Variants in ROBO1 observed in about 807,000 individuals in gnomAD.
The protein encoded by ROBO1 is roundabout homolog 1.
ROBO1 carries 149 observed loss-of-function variants against 195.9 expected under a neutral mutation model. The ratio of observed to expected loss-of-function variants is 0.76; its 90% CI spans 0.67 to 0.87. The LOEUF is 0.87. Ranked by LOEUF, ROBO1 falls within the 40% of genes least tolerant of loss-of-function variation. The pLI is 0.00. For synonymous variants in ROBO1, 816 were observed against 733.2 expected, an observed-to-expected ratio of 1.11 and a Z score of -1.82; for missense variants, 1,933 against 2,068.3, an observed-to-expected ratio of 0.93 and a Z score of 1.27.
In ROBO1 at chr3:78,741,690, C is replaced by T. The variant is rs112557250; in HGVS notation, c.657+5053G>A. Among the ~76,000 whole-genome samples the T allele has an allele frequency of 1.2e-3, 178 of 152,144 alleles. 1 individual carries two copies. The highest frequency in any genetic ancestry group is 3.8e-3 in the African/African-American group (158 of 41,526). On this transcript the variant is annotated intron_variant, in intron 5 of 30. Transcript: ENST00000464233. ...CATCCAAAAGAACACTTTAGTCCTC[C>T]GATTCATCTGTATAAGAAAATTTCA...
chr3:79,020,241 C>A (rs1337687296), intron 3 of ROBO1, among the ~76,000 whole-genome samples: 1 of 152,184 alleles, frequency 6.6e-6, no homozygotes, highest in Non-Finnish European at 1.5e-5. Flanking sequence ...TCCCAACCTG[C>A]CAGTTATAGC....
At position 79,705,834 on chromosome 3, in the gene ROBO1, C is replaced by T. The variant is rs1185329176; in HGVS notation, c.-51+61918G>A. Among the ~76,000 whole-genome samples, 3 of 152,096 alleles carry T rather than the reference C, an allele frequency of 2.0e-5. No individual in the cohort carries two copies. In the East Asian group the frequency reaches 5.8e-4, roughly 29 times the overall value. ...ACATGGAATGTCATTTCATTTATTT[C>T]TTTGTTTTCTATCACAGAGTTTTGT... On this transcript the variant is annotated intron_variant, in intron 1 of 30. Coordinates refer to ENST00000464233, the MANE Select transcript of ROBO1 (RefSeq NM_002941.4).
rs569045999 is a variant in ROBO1, at chr3:79,559,313, C to A, written c.88+30511G>T. ...TTTTTTGCTCAAGTAAACTCTGTTA[C>A]ATCTAATCTGTCTAAAGTTTTTCTT... On this transcript the variant is annotated intron_variant, in intron 2 of 30. Coordinates refer to ENST00000464233, the MANE Select transcript of ROBO1 (RefSeq NM_002941.4). Among the ~76,000 whole-genome samples the A allele has an allele frequency of 2.1e-3, 320 of 152,304 alleles. 1 individual carries two copies. The highest frequency in any genetic ancestry group is 7.1e-3 in the African/African-American group (294 of 41,576).
intron 4 of ROBO1, among the ~76,000 whole-genome samples, chr3:78,831,090 T>G (rs915970984): frequency 6.6e-6 from 1 of 151,974 alleles, no homozygotes; most frequent in Non-Finnish European, 1.5e-5. Flanking sequence ...TTTTTCTATT[T>G]TTAGTAGAGA....
intron 22 of ROBO1, among the ~76,000 whole-genome samples, chr3:78,638,852 T>G (rs879507430): frequency 6.7e-6 from 1 of 149,306 alleles, no homozygotes; most frequent in Admixed American, 6.7e-5. Flanking sequence ...CCAGCCTAGG[T>G]GAAGAGCGAG....
chr3:78,824,024 A>C (rs1156270350), intron 4 of ROBO1, among the ~76,000 whole-genome samples: 1 of 152,188 alleles, frequency 6.6e-6, no homozygotes, highest in East Asian at 1.9e-4. Context: ...GACAGGTATG[A>C]CTTGCTGCAT....
chr3:79,547,157 C>T (rs1942298764), intron 2 of ROBO1, among the ~76,000 whole-genome samples: 1 of 125,992 alleles, frequency 7.9e-6, no homozygotes, highest in Non-Finnish European at 1.6e-5. Context: ...TGCACTCCAG[C>T]CTGGCAGACA....
At position 79,672,160 on chromosome 3, in the gene ROBO1, GAA is replaced by G. The variant is rs556824220; in HGVS notation, c.-50-82201_-50-82200del. On this transcript the variant is annotated intron_variant, in intron 1 of 30. Transcript: ENST00000464233. ...ATTTGCTCTTGTATTTTCATTCAGA[GAA>G]GCTGGCAACACCACAATAATGCACA... 2.5e-4 allele frequency among the ~76,000 whole-genome samples: 38 copies of G among 152,096 alleles called. No individual in the cohort carries two copies. The South Asian group carries it at 2.9e-3, about 12-fold the overall frequency.
At chr3:79,575,749 A>G (rs1233601989) in intron 2 of ROBO1, among the ~76,000 whole-genome samples, 4 of 151,412 alleles carry the variant, frequency 2.6e-5, no homozygotes, top group Non-Finnish European at 4.4e-5. Flanking sequence ...TTTTTGTGAC[A>G]TATTTAAGTG....
intron 26 of ROBO1, among the ~76,000 whole-genome samples, chr3:78,622,256 T>A (rs1159978407): frequency 6.6e-6 from 1 of 152,162 alleles, no homozygotes; most frequent in Non-Finnish European, 1.5e-5. Context: ...ATAATGCAGG[T>A]CTTTAATGTT....
Position 78,617,786 on chromosome 3 carries a change from G to T in ROBO1, c.4131C>A (p.Ala1377=). ...TGSMINGWGS[A]SEEDNISSGR... ...CGCTGGAAATGTTGTCCTCCTCTGA[G>T]GCTGAGCCCCAGCCGTTGATCATGG... Residue 1377 remains alanine (A), a synonymous_variant, in exon 27 of 31, where the codon GCC becomes GCA. Coordinates refer to ENST00000464233, the MANE Select transcript of ROBO1 (RefSeq NM_002941.4). The T allele has an allele frequency of 6.2e-7, 1 of 1,613,932 alleles. No individual in the cohort carries two copies. Among genetic ancestry groups the T allele is most frequent in the Non-Finnish European group, 8.5e-7 (1 of 1,179,854 alleles).
intron 2 of ROBO1, among the ~76,000 whole-genome samples, chr3:79,464,919 A>G (rs1473467676): frequency 6.6e-6 from 1 of 152,118 alleles, no homozygotes; most frequent in African/African-American, 2.4e-5. Context: ...TCACATAGCA[A>G]AGTCTTTGGG....
chr3:78,947,191 A>T (rs1365969118), intron 3 of ROBO1, among the ~76,000 whole-genome samples: 1 of 152,010 alleles, frequency 6.6e-6, no homozygotes, highest in Non-Finnish European at 1.5e-5. Flanking sequence ...CATCTACAGA[A>T]CTCTCCACCC....
chr3:79,395,077 A>G (rs982747178), intron 2 of ROBO1, among the ~76,000 whole-genome samples: 2 of 152,142 alleles, frequency 1.3e-5, no homozygotes, highest in Admixed American at 1.3e-4. Context: ...TAATCCCAGC[A>G]CTTTGGGAGG....
intron 18 of ROBO1, among the ~76,000 whole-genome samples, chr3:78,654,156 G>A (rs1706850768): frequency 1.3e-5 from 2 of 152,038 alleles, no homozygotes; most frequent in Admixed American, 1.3e-4. Flanking sequence ...ATTGCATCTT[G>A]ATAAGAAAAC....
At chr3:79,585,995 A>G (rs1191820392) in intron 2 of ROBO1, among the ~76,000 whole-genome samples, 3 of 151,944 alleles carry the variant, frequency 2.0e-5, no homozygotes, top group African/African-American at 7.2e-5. Flanking sequence ...TGGATCATAA[A>G]CTTTGTAAGA....
At chr3:79,138,285 A>T (rs1559686968) in intron 2 of ROBO1, among the ~76,000 whole-genome samples, 2 of 152,044 alleles carry the variant, frequency 1.3e-5, no homozygotes, top group Non-Finnish European at 2.9e-5. Flanking sequence ...CAGAGTACAC[A>T]ATCAATACTT....
intron 1 of ROBO1, among the ~76,000 whole-genome samples, chr3:79,650,120 TAG>T (rs1037952529): frequency 2.0e-5 from 3 of 151,254 alleles, no homozygotes; most frequent in Non-Finnish European, 3.0e-5. Context: ...AAAGAAAAAA[TAG>T]AGAGGATATA....
At chr3:79,286,441 T>C (rs184394307) in intron 2 of ROBO1, among the ~76,000 whole-genome samples, 81 of 152,252 alleles carry the variant, frequency 5.3e-4, no homozygotes, top group African/African-American at 1.9e-3. Context: ...CATACTCAAT[T>C]TGACAAAAAG....
Sources: gnomAD v4.1 joint callset for allele counts (sites outside exome capture counted in the v4.1 genomes callset) on GRCh38, gnomAD v4.1.1 for gene constraint, MANE v1.5 for transcripts, NCBI Gene and HGNC (gene_info 2026-07-23, HGNC 2026-07-21) for gene names.